Variants in TRPC4 observed in about 807,000 individuals in gnomAD.
TRPC4 encodes transient receptor potential cation channel subfamily C member 4.
TRPC4 carries 49 observed loss-of-function variants against 99.4 expected under a neutral mutation model. That is an observed-to-expected ratio of 0.49 (90% CI 0.39 to 0.63). TRPC4 has a LOEUF of 0.63. TRPC4 is among the 20% of genes least tolerant of loss of function. TRPC4 has a pLI of 0.00. For synonymous variants in TRPC4, 454 were observed against 425.9 expected (o/e 1.07, Z -0.81); for missense variants, 898 against 1,152.9 (o/e 0.78, Z 3.20).
chr13:37,782,066 C>T (rs113558302), intron 2 of TRPC4, among the ~76,000 whole-genome samples: 4,368 of 152,146 alleles, frequency 0.029, 115 homozygotes, highest in South Asian at 0.08. Flanking sequence ...TGAACCGCTG[C>T]AGAATCTGCA....
intron 2 of TRPC4, among the ~76,000 whole-genome samples, chr13:37,759,782 G>A (rs919117381): frequency 1.9e-4 from 29 of 152,060 alleles, no homozygotes; most frequent in Admixed American, 5.3e-4. Flanking sequence ...TTATGGGAGA[G>A]TATGCAGTAT....
chr13:37,753,397 C>T (rs1165159578), intron 2 of TRPC4, among the ~76,000 whole-genome samples: 1 of 151,846 alleles, frequency 6.6e-6, no homozygotes, highest in East Asian at 1.9e-4. Flanking sequence ...TAAGTAGTAA[C>T]ATTATTCTAG....
chr13:37,801,418 C>T (rs1667236914), intron 1 of TRPC4, among the ~76,000 whole-genome samples: 1 of 152,058 alleles, frequency 6.6e-6, no homozygotes, highest in African/African-American at 2.4e-5. Context: ...AACTGTGCAG[C>T]ATTAAACAAA....
chr13:37,848,626 C>T (rs1473327701), intron 1 of TRPC4, among the ~76,000 whole-genome samples: 3 of 151,906 alleles, frequency 2.0e-5, no homozygotes, highest in Non-Finnish European at 4.4e-5. Context: ...ACACACACAC[C>T]CTCATCCCAT....
At chr13:37,701,335 G>C (rs1954095053) in intron 3 of TRPC4, among the ~76,000 whole-genome samples, 1 of 151,964 alleles carries the variant, frequency 6.6e-6, no homozygotes, top group African/African-American at 2.4e-5. Flanking sequence ...CAAACATCTG[G>C]GATGTTCCTC....
Position 37,636,878 on chromosome 13 carries a change from T to G in TRPC4, c.*25A>C, listed in dbSNP as rs1251020902. On this transcript the variant is annotated 3_prime_UTR_variant, in exon 11 of 11. Coordinates refer to ENST00000379705, the MANE Select transcript of TRPC4 (RefSeq NM_016179.4). ...GCACTACGGAAAATACGTATGTGTATGGTAAACGCTTCCTCCTTCAAGTAT... is the reference window on the plus strand; with the variant it reads ...GCACTACGGAAAATACGTATGTGTAGGGTAAACGCTTCCTCCTTCAAGTAT... 6.3e-7 allele frequency: 1 copy of G among 1,591,926 alleles called. No homozygotes were observed. Among genetic ancestry groups the G allele is most frequent in the Non-Finnish European group, 8.6e-7 (1 of 1,169,112 alleles).
In TRPC4 at chr13:37,680,517, A is replaced by G. The variant is rs564169825; in HGVS notation, c.1235-6150T>C. 7.9e-5 allele frequency among the ~76,000 whole-genome samples: 12 copies of G among 152,288 alleles called. No individual in the cohort carries two copies. The South Asian group carries it at 2.3e-3, about 29-fold the overall frequency. ...AAATTGCCAACGATTGCTTCTTCCT[A>G]TTAGGATTGTGACAATTTTACCAAA... On this transcript the variant is annotated intron_variant, in intron 4 of 10. Coordinates refer to ENST00000379705, the MANE Select transcript of TRPC4 (RefSeq NM_016179.4).
intron 1 of TRPC4, among the ~76,000 whole-genome samples, chr13:37,799,147 G>T (rs1239905873): frequency 6.6e-6 from 1 of 151,956 alleles, no homozygotes; most frequent in Non-Finnish European, 1.5e-5. Flanking sequence ...TGCTAGCCAG[G>T]TTGGTCTCGA....
At position 37,847,119 on chromosome 13, in the gene TRPC4, T is replaced by C. The variant is rs543639628; in HGVS notation, c.-28+22476A>G. Among the ~76,000 whole-genome samples, 7 of 152,070 alleles carry C rather than the reference T, an allele frequency of 4.6e-5. 1 individual carries two copies. In the South Asian group the frequency reaches 1.2e-3, roughly 27 times the overall value. On this transcript the variant is annotated intron_variant, in intron 1 of 10. Coordinates refer to ENST00000379705, the MANE Select transcript of TRPC4 (RefSeq NM_016179.4). ...AATAGGGGGCCTCGATACTCCACTT[T>C]TAAAAATAGAGCATCTAGACAGAAA...
Position 37,637,266 on chromosome 13 carries a change from A to G in TRPC4, c.2571T>C (p.Ala857=), listed in dbSNP as rs1203303318. The G allele has an allele frequency of 2.5e-6, 4 of 1,613,948 alleles. No homozygotes were observed. The highest frequency in any genetic ancestry group is 4.5e-5 in the East Asian group (2 of 44,882). The change falls in exon 11 of 11, where the codon GCT becomes GCC. Residue 857 remains alanine (A), a synonymous_variant. Coordinates refer to ENST00000379705, the MANE Select transcript of TRPC4 (RefSeq NM_016179.4). ...LFHRRSKQNA[A]EQNANQIFSV... ...AGAAGATTTGGTTTGCATTTTGCTC[A>G]GCAGCATTTTGTTTTGATCGTCTAT...
chr13:37,731,747 T>G (rs564681679), intron 3 of TRPC4, among the ~76,000 whole-genome samples: 2 of 152,132 alleles, frequency 1.3e-5, no homozygotes, highest in African/African-American at 4.8e-5. Flanking sequence ...ATTCCTTTCA[T>G]TAAAATAGTT....
At chr13:37,704,072 TA>T (rs1954189571) in intron 3 of TRPC4, among the ~76,000 whole-genome samples, 1 of 152,136 alleles carries the variant, frequency 6.6e-6, no homozygotes, top group Admixed American at 6.6e-5. Context: ...CATGGTTGAA[TA>T]TTTTTTAAAT....
intron 6 of TRPC4, among the ~76,000 whole-genome samples, chr13:37,657,194 T>C (rs1412451940): frequency 1.3e-5 from 2 of 152,210 alleles, no homozygotes; most frequent in Non-Finnish European, 2.9e-5. Context: ...CAGATTATTG[T>C]GAAGGAGAAA....
At chr13:37,796,929 A>AAAAATAAAATAAAAT (rs1193921345) in intron 1 of TRPC4, among the ~76,000 whole-genome samples, 8,187 of 40,890 alleles carry the variant, frequency 0.2, 1,176 homozygotes, top group Non-Finnish European at 0.28. Flanking sequence ...TCCTCTCTAC[A>AAAAATAAAATAAAAT]AAAATAAAAT....
intron 3 of TRPC4, among the ~76,000 whole-genome samples, chr13:37,745,124 A>G (rs913105338): frequency 5.3e-5 from 8 of 152,030 alleles, no homozygotes; most frequent in African/African-American, 1.9e-4. Context: ...CATATAATTT[A>G]CTAAGAGTCT....
rs558076239 is a variant in TRPC4 at position 37,737,024 on chromosome 13, C to T, written c.897+8913G>A. On this transcript the variant is annotated intron_variant, in intron 3 of 10. Coordinates refer to ENST00000379705, the MANE Select transcript of TRPC4 (RefSeq NM_016179.4). Reference sequence around the variant, plus strand: ...CTGGGATTACAGATGTAAGCCAGCACGCCCAGCCAACTTCTTTTTGATATT... The same window carrying T: ...CTGGGATTACAGATGTAAGCCAGCATGCCCAGCCAACTTCTTTTTGATATT... 3.4e-3 allele frequency among the ~76,000 whole-genome samples: 523 copies of T among 151,676 alleles called. 1 individual carries two copies. Among genetic ancestry groups the T allele is most frequent in the Middle Eastern group, 0.017 (5 of 292 alleles).
At chr13:37,719,051 T>C (rs892941786) in intron 3 of TRPC4, among the ~76,000 whole-genome samples, 2 of 152,140 alleles carry the variant, frequency 1.3e-5, no homozygotes, top group Non-Finnish European at 2.9e-5. Context: ...GCATATTATA[T>C]GCAGGAGAAC....
intron 3 of TRPC4, among the ~76,000 whole-genome samples, chr13:37,717,630 C>A (rs1175218855): frequency 6.6e-6 from 1 of 151,894 alleles, no homozygotes; most frequent in Non-Finnish European, 1.5e-5. Context: ...AGAGGGAAGA[C>A]CAGGTGTAAA....
intron 4 of TRPC4, 26 bp downstream of exon 4, chr13:37,691,973 T>C (rs944447950): frequency 6.4e-7 from 1 of 1,572,956 alleles, no homozygotes; most frequent in African/African-American, 1.4e-5. Context: ...ATGTTTTTAT[T>C]ATATTTTCTA....
Sources: gnomAD v4.1 joint callset for allele counts (sites outside exome capture counted in the v4.1 genomes callset) on GRCh38, gnomAD v4.1.1 for gene constraint, MANE v1.5 for transcripts, NCBI Gene and HGNC (gene_info 2026-07-23, HGNC 2026-07-21) for gene names.